The following UBQLN1 variants were observed in gnomAD, a reference collection of about 807,000 sequenced individuals.
The protein encoded by UBQLN1 is ubiquilin-1.
Under a neutral mutation model 65.4 loss-of-function variants are expected in UBQLN1, and 13 were observed. The ratio of observed to expected loss-of-function variants is 0.20; its 90% CI spans 0.13 to 0.32. The LOEUF (loss-of-function observed/expected upper bound fraction) is 0.32, where lower values mean the gene tolerates loss of function less well. UBQLN1 is among the 10% of genes least tolerant of loss of function. The pLI is 1.00. For missense variants in UBQLN1, 561 were observed against 724.0 expected, an observed-to-expected ratio of 0.77 and a Z score of 2.58; for synonymous variants, 267 against 247.8, an observed-to-expected ratio of 1.08 and a Z score of -0.73.
At chr9:83,669,940 C>T (rs1290475404) in intron 6 of UBQLN1, among the ~76,000 whole-genome samples, 1 of 152,148 alleles carries the variant, frequency 6.6e-6, no homozygotes, top group East Asian at 1.9e-4. Context: ...AGTTATCTAG[C>T]GTCTTCATAC....
At chr9:83,706,705 TTAAG>T (rs1225021854) in intron 1 of UBQLN1, among the ~76,000 whole-genome samples, 5 of 152,180 alleles carry the variant, frequency 3.3e-5, no homozygotes, top group East Asian at 3.9e-4. Context: ...TGAACCAAGT[TTAAG>T]TAATATTCTG....
intron 1 of UBQLN1, among the ~76,000 whole-genome samples, chr9:83,688,096 G>A (rs929490353): frequency 5.9e-5 from 9 of 151,984 alleles, no homozygotes; most frequent in African/African-American, 1.7e-4. Context: ...GTACCTATCC[G>A]AAATAGTAAT....
intron 10 of UBQLN1, 56 bp from the exon 11 acceptor site, chr9:83,661,995 C>A: frequency 6.5e-7 from 1 of 1,532,440 alleles, no homozygotes; most frequent in Non-Finnish European, 8.8e-7. Flanking sequence ...CCCTGCCACA[C>A]ATGACTTTTA....
intron 6 of UBQLN1, among the ~76,000 whole-genome samples, chr9:83,670,998 G>C (rs1485072250): frequency 6.6e-6 from 1 of 152,026 alleles, no homozygotes; most frequent in Non-Finnish European, 1.5e-5. Context: ...TCTCGCTTTT[G>C]TCACCCAGGC....
At chr9:83,691,390 G>T (rs1255816775) in intron 1 of UBQLN1, among the ~76,000 whole-genome samples, 1 of 152,110 alleles carries the variant, frequency 6.6e-6, no homozygotes, top group African/African-American at 2.4e-5. Flanking sequence ...ATCCAAAACA[G>T]CTGTAATCTC....
intron 1 of UBQLN1, among the ~76,000 whole-genome samples, chr9:83,689,688 A>G (rs1008428526): frequency 1.3e-5 from 2 of 152,230 alleles, no homozygotes; most frequent in Non-Finnish European, 2.9e-5. Context: ...GTGGGATACA[A>G]AAAGACCTAA....
At chr9:83,676,048 G>GA (rs1587645033) in intron 6 of UBQLN1, among the ~76,000 whole-genome samples, 2 of 152,080 alleles carry the variant, frequency 1.3e-5, no homozygotes, top group Admixed American at 6.5e-5. Flanking sequence ...CCCTTCACAT[G>GA]AAAAATCTGT....
chr9:83,671,540 G>A (rs551850478), intron 6 of UBQLN1, among the ~76,000 whole-genome samples: 2 of 152,310 alleles, frequency 1.3e-5, no homozygotes, highest in South Asian at 2.1e-4. Context: ...GCTCTTGGGT[G>A]ACTACATGCA....
At chr9:83,686,221 C>CAGGGGCCTCTATG in intron 1 of UBQLN1, 66 bp from the exon 2 acceptor site, 1 of 1,113,022 alleles carries the variant, frequency 9.0e-7, no homozygotes, top group Non-Finnish European at 1.2e-6. Context: ...CTAGTTTCTA[C>CAGGGGCCTCTATG]AGGTACCTCA....
At chr9:83,665,851 T>C (rs1279617902) in intron 8 of UBQLN1, among the ~76,000 whole-genome samples, 2 of 152,206 alleles carry the variant, frequency 1.3e-5, no homozygotes, top group Non-Finnish European at 2.9e-5. Flanking sequence ...ACTATAACCT[T>C]CCTTACTTCC....
chr9:83,681,975 T>C (rs1831947517), intron 3 of UBQLN1, among the ~76,000 whole-genome samples: 1 of 152,086 alleles, frequency 6.6e-6, no homozygotes, highest in African/African-American at 2.4e-5. Flanking sequence ...TGCAGAAAAA[T>C]GCAGCAAGAA....
At chr9:83,677,337 C>T (rs983663226) in intron 6 of UBQLN1, among the ~76,000 whole-genome samples, 13 of 152,114 alleles carry the variant, frequency 8.5e-5, no homozygotes, top group African/African-American at 2.9e-4. Flanking sequence ...CCAAGGCAGG[C>T]GGATCACCTG....
intron 7 of UBQLN1, chr9:83,666,713 T>G (rs983348673): frequency 6.7e-6 from 2 of 296,656 alleles, no homozygotes; most frequent in Non-Finnish European, 1.3e-5. Flanking sequence ...CTTAGGCTTT[T>G]CCTTGAACAA....
rs780112530 is a variant in UBQLN1 at position 83,663,950 on chromosome 9, T to A, written c.1542A>T (p.Thr514=). ...GATGTCCAGGTTCAGTGGTTCCTGC[T>A]GTGGGACTTGTGTTTTCACTAGGTG... The part of the protein sequence containing the change: ...NATPSENTSP[T]AGTTEPGHQQ... The change falls in exon 10 of 11, where the codon ACA becomes ACT. Residue 514 remains threonine (T), a synonymous_variant. Coordinates refer to ENST00000376395, the MANE Select transcript of UBQLN1 (RefSeq NM_013438.5). 2 of 1,614,206 alleles carry A rather than the reference T, an allele frequency of 1.2e-6. No individual in the cohort carries two copies. The highest frequency in any genetic ancestry group is 1.7e-6 in the Non-Finnish European group (2 of 1,180,018).
Position 83,661,664 on chromosome 9 carries a change from C to T in UBQLN1, c.*123G>A. 1 of 1,054,496 alleles carries T rather than the reference C, an allele frequency of 9.5e-7. No individual in the cohort carries two copies. The highest frequency in any genetic ancestry group is 1.3e-6 in the Non-Finnish European group (1 of 757,420). 65.3% of individuals were successfully genotyped at this position (1,054,496 alleles called of 1,614,324 possible). A position where few individuals can be genotyped will look rare whatever the true frequency, so the allele number is the denominator to read the frequency against. ...TACTGTACTCCACCTTAAAATGCATCATATTGGGTTTGTTTATAACAGCAC... is the reference window on the plus strand; with the variant it reads ...TACTGTACTCCACCTTAAAATGCATTATATTGGGTTTGTTTATAACAGCAC... On this transcript the variant is annotated 3_prime_UTR_variant, in exon 11 of 11. Transcript: ENST00000376395.
At chr9:83,694,771 T>C (rs1832182044) in intron 1 of UBQLN1, among the ~76,000 whole-genome samples, 1 of 152,176 alleles carries the variant, frequency 6.6e-6, no homozygotes, top group Non-Finnish European at 1.5e-5. Flanking sequence ...AAGTAAATCA[T>C]ATAAACTCTG....
Position 83,661,020 on chromosome 9 carries a change from A to G in UBQLN1, c.*767T>C, listed in dbSNP as rs1157982578. 6.6e-6 allele frequency: 1 copy of G among 152,174 alleles called. No homozygotes were observed. Among genetic ancestry groups the G allele is most frequent in the Non-Finnish European group, 1.5e-5 (1 of 68,030 alleles). 9.4% of individuals were successfully genotyped at this position (152,174 alleles called of 1,614,324 possible). A position where few individuals can be genotyped will look rare whatever the true frequency, so the allele number is the denominator to read the frequency against. ...CAAAGATTAAGGTAATTTACAGTCA[A>G]TCTGTGAATGAATGTTGAGACAATG... On this transcript the variant is annotated 3_prime_UTR_variant, in exon 11 of 11. Transcript: ENST00000376395.
At chr9:83,696,353 T>C (rs1202506249) in intron 1 of UBQLN1, among the ~76,000 whole-genome samples, 1 of 152,160 alleles carries the variant, frequency 6.6e-6, no homozygotes, top group African/African-American at 2.4e-5. Context: ...GACACTTAAG[T>C]TGACTAAGAA....
chr9:83,699,273 T>C (rs528220493), intron 1 of UBQLN1, among the ~76,000 whole-genome samples: 8 of 152,342 alleles, frequency 5.3e-5, no homozygotes, highest in African/African-American at 1.9e-4. Context: ...GTCACCACTA[T>C]TGAAAAATTG....
Sources: gnomAD v4.1 joint callset for allele counts (sites outside exome capture counted in the v4.1 genomes callset) on GRCh38, gnomAD v4.1.1 for gene constraint, MANE v1.5 for transcripts, NCBI Gene and HGNC (gene_info 2026-07-23, HGNC 2026-07-21) for gene names.